Variants in TRAM2 observed in about 807,000 individuals in gnomAD.
TRAM2 encodes the protein translocating chain-associated membrane protein 2.
Under a neutral mutation model 51.0 loss-of-function variants are expected in TRAM2, and 12 were observed. That is an observed-to-expected ratio of 0.24 (90% CI 0.15 to 0.38). The LOEUF is 0.38. TRAM2 is among the 10% of genes least tolerant of loss of function. The probability of loss-of-function intolerance (pLI) is 1.00; values close to 1 mark genes in which losing one functional copy is unlikely to be tolerated. For synonymous variants in TRAM2, 175 were observed against 179.4 expected (o/e 0.98, Z 0.20); for missense variants, 361 against 462.0 (o/e 0.78, Z 2.00).
At chr6:52,554,029 T>C (rs987105491) in intron 1 of TRAM2, among the ~76,000 whole-genome samples, 8 of 152,154 alleles carry the variant, frequency 5.3e-5, no homozygotes, top group Admixed American at 5.2e-4. Flanking sequence ...CACCCCAACC[T>C]GCCAGCCCTG....
intron 8 of TRAM2, 61 bp from the exon 9 acceptor site, chr6:52,505,803 AC>A: frequency 6.5e-7 from 1 of 1,544,756 alleles, no homozygotes; most frequent in Non-Finnish European, 8.7e-7. Flanking sequence ...ATCTTCACCC[AC>A]TTCTCCAGAA....
chr6:52,520,517 C>T (rs932765806), intron 2 of TRAM2, among the ~76,000 whole-genome samples: 15 of 152,212 alleles, frequency 9.9e-5, no homozygotes, highest in South Asian at 4.1e-4. Context: ...GCTGGCTACG[C>T]GGATGGATTC....
At chr6:52,561,219 A>C (rs1767494239) in intron 1 of TRAM2, among the ~76,000 whole-genome samples, 1 of 152,172 alleles carries the variant, frequency 6.6e-6, no homozygotes. Context: ...GCTGGGGTGG[A>C]GATGCAAGTG....
At chr6:52,521,347 GTTT>G (rs1766669433) in intron 2 of TRAM2, among the ~76,000 whole-genome samples, 1 of 151,898 alleles carries the variant, frequency 6.6e-6, no homozygotes, top group Admixed American at 6.6e-5. Context: ...ACAAACTGAT[GTTT>G]TTGATTTTTT....
rs372296353 is a variant in TRAM2 at position 52,516,727 on chromosome 6, G to C, written c.195C>G (p.Thr65=). Residue 65 remains threonine (T), a synonymous_variant, in exon 3 of 11, where the codon ACC becomes ACG. Coordinates refer to ENST00000182527, the MANE Select transcript of TRAM2 (RefSeq NM_012288.4). ...CCTTAGGGCCATAGTGGTAGTGCAC[G>C]GTCTCACTGTCTGTGGAGGTAATAA... ...NISVPTADSE[T]VHYHYGPKDL... 1.2e-6 allele frequency: 2 copies of C among 1,613,192 alleles called. No homozygotes were observed. Among genetic ancestry groups the C allele is most frequent in the African/African-American group, 2.7e-5 (2 of 74,868 alleles).
chr6:52,498,322 AAAAC>A lies in TRAM2; in HGVS notation c.*4871_*4874del, dbSNP rs1316184458. On this transcript the variant is annotated 3_prime_UTR_variant, in exon 11 of 11. Transcript: ENST00000182527. The stretch of plus-strand genomic sequence containing the variant: ...GGTAGGGGAGAGGGTTGCTGCGACT[AAAAC>A]AAGGTAACACTGAATTAGGAGCTCG... 1.3e-5 allele frequency: 2 copies of A among 152,632 alleles called. No individual in the cohort carries two copies. Among genetic ancestry groups the A allele is most frequent in the Non-Finnish European group, 2.9e-5 (2 of 68,042 alleles). 9.5% of individuals were successfully genotyped at this position (152,632 alleles called of 1,614,324 possible). A position where few individuals can be genotyped will look rare whatever the true frequency, so the allele number is the denominator to read the frequency against.
intron 2 of TRAM2, among the ~76,000 whole-genome samples, chr6:52,518,978 G>C (rs1766610923): frequency 6.6e-6 from 1 of 152,154 alleles, no homozygotes; most frequent in Non-Finnish European, 1.5e-5. Context: ...CCCTTTACGA[G>C]GGTCACCTGC....
intron 1 of TRAM2, among the ~76,000 whole-genome samples, chr6:52,545,675 C>G (rs1253578682): frequency 6.6e-6 from 1 of 151,212 alleles, no homozygotes; most frequent in African/African-American, 2.4e-5. Context: ...CCAAGGGCAG[C>G]TGGAAGAACC....
chr6:52,534,152 T>A (rs540538394), intron 2 of TRAM2, among the ~76,000 whole-genome samples: 3 of 146,086 alleles, frequency 2.1e-5, no homozygotes, highest in Non-Finnish European at 4.5e-5. Flanking sequence ...GAGGCCAAGG[T>A]GGGCAGATCA....
intron 1 of TRAM2, among the ~76,000 whole-genome samples, chr6:52,567,657 C>T (rs1767610633): frequency 6.6e-6 from 1 of 152,200 alleles, no homozygotes; most frequent in African/African-American, 2.4e-5. Flanking sequence ...TAGCCAAATT[C>T]TCCATATTGC....
intron 2 of TRAM2, among the ~76,000 whole-genome samples, chr6:52,535,234 A>T (rs558937384): frequency 6.6e-6 from 1 of 152,336 alleles, no homozygotes; most frequent in Non-Finnish European, 1.5e-5. Context: ...CTTTGGAGAA[A>T]GGAGTAGGAG....
Position 52,501,293 on chromosome 6 carries a change from A to G in TRAM2, c.*1904T>C, listed in dbSNP as rs1203160047. On this transcript the variant is annotated 3_prime_UTR_variant, in exon 11 of 11. Coordinates refer to ENST00000182527, the MANE Select transcript of TRAM2 (RefSeq NM_012288.4). Reference sequence around the variant, plus strand: ...TGCAACCTTATCGTAGAGAGGGATGAAGGCCTCCAATGGCGTTAGGAAACA... The same window carrying G: ...TGCAACCTTATCGTAGAGAGGGATGGAGGCCTCCAATGGCGTTAGGAAACA... 1 of 152,246 alleles carries G rather than the reference A, an allele frequency of 6.6e-6. No individual in the cohort carries two copies. Among genetic ancestry groups the G allele is most frequent in the Non-Finnish European group, 1.5e-5 (1 of 68,034 alleles). 9.4% of individuals were successfully genotyped at this position (152,246 alleles called of 1,614,324 possible).
At chr6:52,571,193 T>C (rs1767674796) in intron 1 of TRAM2, among the ~76,000 whole-genome samples, 1 of 152,210 alleles carries the variant, frequency 6.6e-6, no homozygotes, top group Non-Finnish European at 1.5e-5. Context: ...GCGCTCTCGC[T>C]GATTAGAAAG....
chr6:52,530,906 A>G (rs74446605), intron 2 of TRAM2, among the ~76,000 whole-genome samples: 37,253 of 151,966 alleles, frequency 0.25, 4,960 homozygotes, highest in East Asian at 0.6. Flanking sequence ...AAACAAAACC[A>G]TCAAGAAAAA....
At chr6:52,568,140 C>T (rs115594504) in intron 1 of TRAM2, among the ~76,000 whole-genome samples, 1,589 of 152,318 alleles carry the variant, frequency 0.01, 27 homozygotes, top group African/African-American at 0.036. Context: ...AATCCAGGCC[C>T]CTGTCCTCGC....
At chr6:52,551,773 C>T (rs76435534) in intron 1 of TRAM2, among the ~76,000 whole-genome samples, 2,532 of 152,292 alleles carry the variant, frequency 0.017, 32 homozygotes, top group Non-Finnish European at 0.024. Flanking sequence ...GGGGTCAGTA[C>T]GGCGCTAGCC....
chr6:52,576,808 C>G lies in TRAM2; in HGVS notation c.108G>C (p.Gly36=). 6.2e-7 allele frequency: 1 copy of G among 1,613,474 alleles called. No individual in the cohort carries two copies. The highest frequency in any genetic ancestry group is 8.5e-7 in the Non-Finnish European group (1 of 1,179,650). The part of the protein sequence containing the change: ...GFCLVLCVLI[G]LMFEVTAKTA... ...CCCAGGCTCTCACCTCGAACATAAG[C>G]CCGATGAGGACGCAGAGCACCAGGC... The change falls in exon 1 of 11, where the codon GGG becomes GGC. Residue 36 remains glycine (G), a synonymous_variant. Transcript: ENST00000182527.
intron 5 of TRAM2, among the ~76,000 whole-genome samples, chr6:52,509,219 G>A (rs1418427435): frequency 6.6e-6 from 1 of 152,180 alleles, no homozygotes; most frequent in Admixed American, 6.5e-5. Flanking sequence ...TGGATGTCAG[G>A]GGGTCGCCAA....
At position 52,504,764 on chromosome 6, in the gene TRAM2, AG is replaced by A; in HGVS notation, c.876-11del. 6.3e-7 allele frequency: 1 copy of A among 1,590,678 alleles called. No individual in the cohort carries two copies. The highest frequency in any genetic ancestry group is 8.5e-7 in the Non-Finnish European group (1 of 1,171,194). ...CAGCAGCACGCAGAGCCTGCAGAGC[AG>A]GGGGTTAGGGGCTTAGGCTGGGGCT... is the stretch of plus-strand genomic sequence containing the variant. On this transcript the variant is annotated splice_polypyrimidine_tract_variant and intron_variant, in intron 9 of 10. Coordinates refer to ENST00000182527, the MANE Select transcript of TRAM2 (RefSeq NM_012288.4).
Sources: allele counts gnomAD v4.1 joint callset (sites outside exome capture counted in the v4.1 genomes callset), GRCh38; gene constraint gnomAD v4.1.1; transcripts MANE v1.5; gene names NCBI Gene and HGNC (gene_info 2026-07-23, HGNC 2026-07-21).